CAB39L: variants seen among roughly 807,000 people sequenced by gnomAD.
CAB39L encodes the protein calcium-binding protein 39-like.
In CAB39L, 23 loss-of-function variants were observed where a neutral mutation model predicts 39.1. The ratio of observed to expected loss-of-function variants is 0.59; its 90% CI spans 0.42 to 0.83. The LOEUF (loss-of-function observed/expected upper bound fraction) is 0.83. Among genes scored for constraint, CAB39L ranks in the 40% least tolerant of loss-of-function variants. The pLI is 0.00. For missense variants in CAB39L, 366 were observed against 391.9 expected, an observed-to-expected ratio of 0.93 and a Z score of 0.56; for synonymous variants, 126 against 137.2, an observed-to-expected ratio of 0.92 and a Z score of 0.57.
intron 3 of CAB39L, among the ~76,000 whole-genome samples, chr13:49,409,770 G>A (rs1956950772): frequency 1.3e-5 from 2 of 151,984 alleles, no homozygotes; most frequent in South Asian, 4.2e-4. Flanking sequence ...GTGAAAATTG[G>A]TCTTATCAGA....
chr13:49,409,442 G>C (rs1594072885), intron 3 of CAB39L, among the ~76,000 whole-genome samples: 1 of 123,380 alleles, frequency 8.1e-6, no homozygotes, highest in Admixed American at 8.2e-5. Context: ...AGAGGTTTTT[G>C]TTTGCTTTAA....
intron 3 of CAB39L, among the ~76,000 whole-genome samples, chr13:49,411,410 GAAAAAAA>G (rs760826107): frequency 3.8e-4 from 39 of 102,444 alleles, no homozygotes; most frequent in African/African-American, 1.5e-3. Context: ...ACTCTCCTGA[GAAAAAAA>G]AAAAAAAAAA....
At chr13:49,406,169 C>CTTTTTTT (rs1215587782) in intron 3 of CAB39L, among the ~76,000 whole-genome samples, 1 of 134,438 alleles carries the variant, frequency 7.4e-6, no homozygotes, top group African/African-American at 2.7e-5. Context: ...TTGGAATGCT[C>CTTTTTTT]TTTTTTTTTT....
chr13:49,415,425 G>A (rs1957068183), intron 3 of CAB39L, among the ~76,000 whole-genome samples: 1 of 151,472 alleles, frequency 6.6e-6, no homozygotes, highest in Non-Finnish European at 1.5e-5. Context: ...GGAGGCTGAG[G>A]CAGGAGAATC....
chr13:49,341,861 AT>A (rs1487477701), intron 8 of CAB39L, among the ~76,000 whole-genome samples: 1 of 152,144 alleles, frequency 6.6e-6, no homozygotes, highest in Non-Finnish European at 1.5e-5. Flanking sequence ...ATGTATAATT[AT>A]TTTGTATCAA....
intron 5 of CAB39L, among the ~76,000 whole-genome samples, chr13:49,369,861 C>T (rs1566095671): frequency 6.6e-6 from 1 of 152,154 alleles, no homozygotes; most frequent in Non-Finnish European, 1.5e-5. Flanking sequence ...GCTGGGATTA[C>T]AGGCGTGAGC....
intron 4 of CAB39L, among the ~76,000 whole-genome samples, chr13:49,382,204 T>G (rs1489353989): frequency 2.0e-5 from 3 of 152,144 alleles, no homozygotes; most frequent in Non-Finnish European, 4.4e-5. Context: ...TGGGCCAAGA[T>G]TTGGCTCAAT....
At chr13:49,372,842 T>C (rs752428530) in intron 5 of CAB39L, among the ~76,000 whole-genome samples, 1 of 152,074 alleles carries the variant, frequency 6.6e-6, no homozygotes, top group Non-Finnish European at 1.5e-5. Flanking sequence ...GCCCGGCTAA[T>C]TTTTATATTT....
chr13:49,356,506 C>G (rs1955489166), intron 6 of CAB39L, among the ~76,000 whole-genome samples: 1 of 152,154 alleles, frequency 6.6e-6, no homozygotes, highest in Non-Finnish European at 1.5e-5. Flanking sequence ...GCTCCAAATA[C>G]ATTTTACCAT....
At chr13:49,389,880 T>C (rs1436801145) in intron 3 of CAB39L, among the ~76,000 whole-genome samples, 2 of 152,020 alleles carry the variant, frequency 1.3e-5, no homozygotes, top group Non-Finnish European at 2.9e-5. Context: ...TGGAGTGCAG[T>C]TGTGTAATAA....
intron 4 of CAB39L, among the ~76,000 whole-genome samples, chr13:49,377,386 C>T (rs1379306930): frequency 1.2e-5 from 1 of 84,086 alleles, no homozygotes; most frequent in African/African-American, 7.0e-5. Context: ...GAAACTTTTT[C>T]GGCTCTCCCT....
At chr13:49,378,596 A>G (rs1311342216) in intron 4 of CAB39L, among the ~76,000 whole-genome samples, 81 of 64,514 alleles carry the variant, frequency 1.3e-3, no homozygotes, top group Admixed American at 1.6e-3. Flanking sequence ...TGGGGGGGTC[A>G]GCCCTCCGCC....
At chr13:49,424,857 A>G (rs183171725) in intron 3 of CAB39L, among the ~76,000 whole-genome samples, 257 of 152,328 alleles carry the variant, frequency 1.7e-3, no homozygotes, top group African/African-American at 5.5e-3. Flanking sequence ...AGGAATTTCT[A>G]AATAAGTTTA....
chr13:49,342,884 G>A (rs943194518), intron 8 of CAB39L, among the ~76,000 whole-genome samples: 1 of 152,082 alleles, frequency 6.6e-6, no homozygotes, highest in East Asian at 1.9e-4. Context: ...ACCGAGAAGC[G>A]ATGATCATTT....
intron 3 of CAB39L, among the ~76,000 whole-genome samples, chr13:49,400,237 C>T (rs1474933677): frequency 6.6e-6 from 1 of 152,040 alleles, no homozygotes; most frequent in African/African-American, 2.4e-5. Context: ...TATCCTCATG[C>T]AGTGACTCAA....
chr13:49,425,758 T>A (rs1957235999), intron 3 of CAB39L, among the ~76,000 whole-genome samples: 1 of 152,184 alleles, frequency 6.6e-6, no homozygotes, highest in Non-Finnish European at 1.5e-5. Flanking sequence ...ATCAGGTTAC[T>A]AAAATACAGA....
At chr13:49,438,938 G>T (rs905197691) in intron 1 of CAB39L, among the ~76,000 whole-genome samples, 5 of 152,132 alleles carry the variant, frequency 3.3e-5, no homozygotes, top group African/African-American at 1.2e-4. Context: ...CTGTTTTAAA[G>T]TATTCAATAA....
chr13:49,380,214 T>C (rs1956223697), intron 4 of CAB39L, among the ~76,000 whole-genome samples: 1 of 152,210 alleles, frequency 6.6e-6, no homozygotes, highest in Non-Finnish European at 1.5e-5. Flanking sequence ...GAAAATTAAA[T>C]TGATTCCATT....
chr13:49,423,526 T>G (rs1257268277), intron 3 of CAB39L, among the ~76,000 whole-genome samples: 1 of 152,064 alleles, frequency 6.6e-6, no homozygotes, highest in South Asian at 2.1e-4. Context: ...CAGAGCAGCC[T>G]GGGCAACAGA....
Sources: gnomAD v4.1 joint callset for allele counts (sites outside exome capture counted in the v4.1 genomes callset) on GRCh38, gnomAD v4.1.1 for gene constraint, MANE v1.5 for transcripts, NCBI Gene and HGNC (gene_info 2026-07-23, HGNC 2026-07-21) for gene names.